The following LAMC2 variants were observed in gnomAD, a reference collection of about 807,000 sequenced individuals.
LAMC2 encodes laminin subunit gamma 2, also known as laminin subunit gamma-2.
Under a neutral mutation model 140.2 loss-of-function variants are expected in LAMC2, and 97 were observed. That is an observed-to-expected ratio of 0.69 (90% CI 0.59 to 0.82). LAMC2 has a LOEUF of 0.82. Ranked by LOEUF, LAMC2 falls within the 40% of genes least tolerant of loss-of-function variation. The pLI is 0.00. For synonymous variants in LAMC2, 513 were observed against 540.2 expected, an observed-to-expected ratio of 0.95 and a Z score of 0.70; for missense variants, 1,402 against 1,476.1, an observed-to-expected ratio of 0.95 and a Z score of 0.82.
At chr1:183,203,065 G>A (rs993783018) in intron 1 of LAMC2, among the ~76,000 whole-genome samples, 6 of 152,356 alleles carry the variant, frequency 3.9e-5, no homozygotes, top group African/African-American at 1.2e-4. Flanking sequence ...GAACTGCAAA[G>A]TTGAGTGCAG....
At chr1:183,239,989 G>A (rs778558439) in intron 20 of LAMC2, 51 bp from the exon 21 acceptor site, 3 of 1,605,350 alleles carry the variant, frequency 1.9e-6, no homozygotes, top group African/African-American at 2.7e-5. Flanking sequence ...GGATGTTTTT[G>A]TGCCTCACCC....
intron 1 of LAMC2, among the ~76,000 whole-genome samples, chr1:183,187,817 T>C (rs924791726): frequency 5.3e-5 from 8 of 152,152 alleles, no homozygotes; most frequent in African/African-American, 1.9e-4. Flanking sequence ...AAAATGAAAA[T>C]GTGTTTCTCA....
chr1:183,223,266 C>G lies in LAMC2; in HGVS notation c.895C>G (p.Pro299Ala), dbSNP rs777465505. 6.2e-6 allele frequency: 10 copies of G among 1,614,102 alleles called. No homozygotes were observed. The highest frequency in any genetic ancestry group is 8.5e-6 in the Non-Finnish European group (10 of 1,180,052). The change falls in exon 7 of 23, where the codon CCC (proline) becomes GCC (alanine). Residue 299 changes from proline (P) to alanine (A), a missense_variant. This residue lies in a region of LAMC2 where 723 missense variants were observed against 783.3 expected (regional missense o/e 0.92). Coordinates refer to ENST00000264144, the MANE Select transcript of LAMC2 (RefSeq NM_005562.3). ...LEGAGLRITAPLMPLGKTLPC... is the reference protein window; with the variant it reads ...LEGAGLRITAALMPLGKTLPC... Reference sequence around the variant, plus strand: ...AGGTGCTGGTCTACGGATCACAGCTCCCTTGATGCCACTTGGCAAGACACT... The same window carrying G: ...AGGTGCTGGTCTACGGATCACAGCTGCCTTGATGCCACTTGGCAAGACACT...
At chr1:183,230,863 C>G (rs1021133833) in intron 11 of LAMC2, 98 bp from the exon 12 acceptor site, 4 of 1,369,728 alleles carry the variant, frequency 2.9e-6, no homozygotes, top group Non-Finnish European at 4.2e-6. Context: ...AAAGGATTCT[C>G]TGCTGTTGGA....
At position 183,232,301 on chromosome 1, in the gene LAMC2, C is replaced by A. The variant is rs887305342; in HGVS notation, c.1972C>A (p.Gln658Lys). 6.2e-7 allele frequency: 1 copy of A among 1,614,062 alleles called. No individual in the cohort carries two copies. Among genetic ancestry groups the A allele is most frequent in the African/African-American group, 1.3e-5 (1 of 75,050 alleles). ...ELEGRMQQAE[Q>K]ALQDILRDAQ... ...GGAAGGCAGGATGCAGCAGGCTGAG[C>A]AGGCCCTTCAGGACATTCTGAGAGA... is the stretch of plus-strand genomic sequence containing the variant. Residue 658 changes from glutamine to lysine, a missense_variant, in exon 13 of 23, where the codon CAG becomes AAG. By Grantham distance (53) the Gln-to-Lys change is moderately conservative. This residue lies in a region of LAMC2 where 670 missense variants were observed against 667.2 expected (regional missense o/e 1.00). Transcript: ENST00000264144.
intron 1 of LAMC2, among the ~76,000 whole-genome samples, chr1:183,188,284 G>A (rs1658218363): frequency 6.6e-6 from 1 of 152,180 alleles, no homozygotes; most frequent in Non-Finnish European, 1.5e-5. Context: ...TTTCATTCAT[G>A]GGATGCTGGG....
intron 1 of LAMC2, among the ~76,000 whole-genome samples, chr1:183,194,768 GGCCAT>G (rs1365784001): frequency 6.6e-6 from 1 of 152,078 alleles, no homozygotes; most frequent in African/African-American, 2.4e-5. Flanking sequence ...CCTTTTTCTA[GGCCAT>G]GCAAGAAATG....
At chr1:183,190,110 A>G (rs1658284688) in intron 1 of LAMC2, among the ~76,000 whole-genome samples, 1 of 152,198 alleles carries the variant, frequency 6.6e-6, no homozygotes, top group Non-Finnish European at 1.5e-5. Context: ...ATTGTGGCAC[A>G]TTTATATTTT....
chr1:183,238,194 C>G, intron 18 of LAMC2, 113 bp from the exon 19 acceptor site: 1 of 789,892 alleles, frequency 1.3e-6, no homozygotes, highest in Admixed American at 1.9e-5. Context: ...TACAGCACCC[C>G]TAGACTCTGC....
At chr1:183,219,701 C>A (rs1228556573) in intron 4 of LAMC2, among the ~76,000 whole-genome samples, 2 of 152,094 alleles carry the variant, frequency 1.3e-5, no homozygotes, top group African/African-American at 4.8e-5. Context: ...CATAATAATT[C>A]TTTTAACTCT....
intron 7 of LAMC2, among the ~76,000 whole-genome samples, chr1:183,225,275 G>A (rs3768598): frequency 0.038 from 5,715 of 152,238 alleles, 137 homozygotes; most frequent in South Asian, 0.11. Flanking sequence ...CTTCTGGAAC[G>A]TGGAGATGTT....
intron 1 of LAMC2, among the ~76,000 whole-genome samples, chr1:183,188,697 G>T (rs1257229127): frequency 6.6e-6 from 1 of 152,260 alleles, no homozygotes; most frequent in Non-Finnish European, 1.5e-5. Context: ...ACAGTACAGT[G>T]TAGTGAATTC....
intron 15 of LAMC2, among the ~76,000 whole-genome samples, chr1:183,234,694 AG>A (rs1659899446): frequency 6.6e-6 from 1 of 152,202 alleles, no homozygotes. Flanking sequence ...TATGACTCAC[AG>A]TATGGCTGTG....
intron 1 of LAMC2, among the ~76,000 whole-genome samples, chr1:183,201,795 G>A (rs904303650): frequency 4.6e-5 from 7 of 152,114 alleles, no homozygotes; most frequent in African/African-American, 1.4e-4. Flanking sequence ...AAGCTCTAAG[G>A]TGAATTTTGA....
rs148032702 is a variant in LAMC2, at chr1:183,239,481, C to T, written c.2987C>T (p.Ala996Val). 1.2e-6 allele frequency: 2 copies of T among 1,613,898 alleles called. No homozygotes were observed. The highest frequency in any genetic ancestry group is 1.3e-5 in the African/African-American group (1 of 74,884). Residue 996 changes from alanine to valine, a missense_variant, in exon 20 of 23, where the codon GCC becomes GTC. By Grantham distance (64) the Ala-to-Val change is moderately conservative (BLOSUM62 0). This residue lies in a region of LAMC2 where 670 missense variants were observed against 667.2 expected (regional missense o/e 1.00). Transcript: ENST00000264144. Reference sequence around the variant, plus strand: ...GACAAGACCCAGCAAGCAGAAAGAGCCCTGGGGAGCGCTGCTGCTGATGCA... The same window carrying T: ...GACAAGACCCAGCAAGCAGAAAGAGTCCTGGGGAGCGCTGCTGCTGATGCA... ...ASDKTQQAER[A>V]LGSAAADAQR...
the LAMC2 span, among the ~76,000 whole-genome samples, chr1:183,256,841 T>G: frequency 6.6e-6 from 1 of 152,142 alleles, no homozygotes; most frequent in Non-Finnish European, 1.5e-5. Context: ...AACCTCTGCC[T>G]TCTGGGTTCA....
Position 183,236,513 on chromosome 1 carries a change from C to A in LAMC2, c.2510C>A (p.Ala837Glu). ...AQQLTREATQ[A>E]EIEADRSYQH... ...CAGTTGACAAGGGAGGCCACTCAAG[C>A]GGAAATTGAAGCAGATAGGTCTTAT... Residue 837 changes from alanine to glutamate, a missense_variant, in exon 17 of 23, where the codon GCG (alanine) becomes GAG (glutamate). By Grantham distance (107) the Ala-to-Glu change is moderately radical. Coordinates refer to ENST00000264144, the MANE Select transcript of LAMC2 (RefSeq NM_005562.3). 1 of 1,613,904 alleles carries A rather than the reference C, an allele frequency of 6.2e-7. No homozygotes were observed. The highest frequency in any genetic ancestry group is 8.5e-7 in the Non-Finnish European group (1 of 1,179,968).
At position 183,222,148 on chromosome 1, in the gene LAMC2, C is replaced by A; in HGVS notation, c.700C>A (p.Gln234Lys). 1 of 1,614,086 alleles carries A rather than the reference C, an allele frequency of 6.2e-7. No homozygotes were observed. Among genetic ancestry groups the A allele is most frequent in the Non-Finnish European group, 8.5e-7 (1 of 1,179,948 alleles). Residue 234 changes from glutamine (Q) to lysine (K), a missense_variant, in exon 6 of 23, where the codon CAG (glutamine) becomes AAG (lysine). Gln to Lys is a moderately conservative substitution (Grantham distance 53). This residue lies in a region of LAMC2 where 723 missense variants were observed against 783.3 expected (regional missense o/e 0.92). Coordinates refer to ENST00000264144, the MANE Select transcript of LAMC2 (RefSeq NM_005562.3). Reference protein sequence around the residue: ...NGSPAKLQWSQRHQDVFSSAQ... With the variant: ...NGSPAKLQWSKRHQDVFSSAQ... Reference sequence around the variant, plus strand: ...GTCTCCTGCAAAGCTCCAATGGTCACAGCGCCATCAAGATGTGTTTAGCTC... The same window carrying A: ...GTCTCCTGCAAAGCTCCAATGGTCAAAGCGCCATCAAGATGTGTTTAGCTC...
At position 183,207,923 on chromosome 1, in the gene LAMC2, G is replaced by C. The variant is rs1658945922; in HGVS notation, c.122G>C (p.Arg41Pro). The change falls in exon 2 of 23, where the codon CGG (arginine) becomes CCG (proline). Residue 41 changes from arginine to proline, a missense_variant. This residue lies in a region of LAMC2 where 723 missense variants were observed against 783.3 expected (regional missense o/e 0.92). Transcript: ENST00000264144. Reference sequence around the variant, plus strand: ...AAGTCCAGGCAGTGTATCTTTGATCGGGAACTTCACAGACAAACTGGTAAT... The same window carrying C: ...AAGTCCAGGCAGTGTATCTTTGATCCGGAACTTCACAGACAAACTGGTAAT... Reference protein sequence around the residue: ...NGKSRQCIFDRELHRQTGNGF... With the variant: ...NGKSRQCIFDPELHRQTGNGF... 4 of 1,611,744 alleles carry C rather than the reference G, an allele frequency of 2.5e-6. No homozygotes were observed. Among genetic ancestry groups the C allele is most frequent in the Non-Finnish European group, 3.4e-6 (4 of 1,179,802 alleles).
Sources: allele counts gnomAD v4.1 joint callset (sites outside exome capture counted in the v4.1 genomes callset), GRCh38; gene constraint gnomAD v4.1.1; regional missense constraint gnomAD v4.1.1; transcripts MANE v1.5; gene names NCBI Gene and HGNC (gene_info 2026-07-23, HGNC 2026-07-21).